The following RALGPS1 variants were observed in gnomAD, a reference collection of about 807,000 sequenced individuals.
RALGPS1 encodes the protein ras-specific guanine nucleotide-releasing factor RalGPS1.
In RALGPS1, 19 loss-of-function variants were observed where a neutral mutation model predicts 78.8. That is an observed-to-expected ratio of 0.24 (90% CI 0.17 to 0.35). RALGPS1 has a LOEUF of 0.35. Ranked by LOEUF, RALGPS1 falls within the 10% of genes least tolerant of loss-of-function variation. RALGPS1 has a pLI of 1.00. For synonymous variants in RALGPS1, 228 were observed against 256.3 expected (o/e 0.89, Z 1.06); for missense variants, 454 against 688.3 (o/e 0.66, Z 3.81).
chr9:127,209,540 C>T (rs1026728131), intron 14 of RALGPS1, among the ~76,000 whole-genome samples: 17 of 152,080 alleles, frequency 1.1e-4, no homozygotes, highest in South Asian at 2.1e-4. Context: ...CCCTGACACC[C>T]GTTAGGTTAG....
At chr9:126,983,359 A>G (rs1025493911) in intron 4 of RALGPS1, among the ~76,000 whole-genome samples, 3 of 152,116 alleles carry the variant, frequency 2.0e-5, no homozygotes, top group African/African-American at 4.8e-5. Flanking sequence ...AGATCCAACA[A>G]TTGCCATCTT....
chr9:127,206,064 A>G (rs925198887), intron 14 of RALGPS1, among the ~76,000 whole-genome samples: 1 of 152,380 alleles, frequency 6.6e-6, no homozygotes, highest in Non-Finnish European at 1.5e-5. Context: ...AATTCAGGGT[A>G]GCAGCTTCCT....
intron 8 of RALGPS1, among the ~76,000 whole-genome samples, chr9:127,160,412 G>C (rs1385939093): frequency 6.6e-6 from 1 of 152,206 alleles, no homozygotes; most frequent in Non-Finnish European, 1.5e-5. Context: ...AACGAGGTGA[G>C]AGCTGCCCAC....
At chr9:126,990,247 C>T in intron 4 of RALGPS1, 1 of 501,232 alleles carries the variant, frequency 2.0e-6, no homozygotes, top group Non-Finnish European at 3.6e-6. Flanking sequence ...TTTCTCAGAC[C>T]ATCTCTCTCT....
intron 3 of RALGPS1, among the ~76,000 whole-genome samples, chr9:126,969,004 C>T (rs13291672): frequency 2.0e-5 from 3 of 151,848 alleles, no homozygotes; most frequent in East Asian, 1.9e-4. Flanking sequence ...GCCGAGATTG[C>T]GCCATTGCAC....
rs1448601900 is a variant in RALGPS1, at chr9:127,091,693, T to C, written c.610+22337T>C. 1 of 1,613,814 alleles carries C rather than the reference T, an allele frequency of 6.2e-7. No individual in the cohort carries two copies. Among genetic ancestry groups the C allele is most frequent in the Non-Finnish European group, 8.5e-7 (1 of 1,180,018 alleles). ...ACCTGTGTAGACATCATGATCTCTG[T>C]CCAGGGTGGTGAACTGCTTGCCGTT... On this transcript the variant is annotated intron_variant, in intron 8 of 18. Transcript: ENST00000259351. This position sits in a 1 kb window ranked among gnomAD's most constrained non-coding sequence, Gnocchi z 4.3.
At chr9:126,941,827 C>G (rs1262126050) in intron 1 of RALGPS1, among the ~76,000 whole-genome samples, 1 of 152,216 alleles carries the variant, frequency 6.6e-6, no homozygotes, top group Non-Finnish European at 1.5e-5. Context: ...TGTGTTCTAA[C>G]TGTCTTTACT....
chr9:127,086,057 T>C (rs919305749), intron 8 of RALGPS1, among the ~76,000 whole-genome samples: 13 of 152,108 alleles, frequency 8.5e-5, no homozygotes, highest in African/African-American at 3.1e-4. Context: ...TTTTGTAAAC[T>C]GAGAATAATG....
chr9:126,985,510 T>C (rs940312514), intron 4 of RALGPS1, among the ~76,000 whole-genome samples: 3 of 152,220 alleles, frequency 2.0e-5, no homozygotes, highest in African/African-American at 7.2e-5. Flanking sequence ...TCCCTTGATA[T>C]TTATATATTT....
At position 127,217,098 on chromosome 9, in the gene RALGPS1, C is replaced by T. The variant is rs953016633; in HGVS notation, c.1645-1642C>T. The T allele has an allele frequency of 5.1e-6, 7 of 1,367,148 alleles. No homozygotes were observed. In the African/African-American group the frequency reaches 1.0e-4, roughly 20 times the overall value. The allele number at this position is 1,367,148 out of a possible 1,614,324, so 84.7% of individuals were successfully genotyped here. A position where few individuals can be genotyped will look rare whatever the true frequency, so the allele number is the denominator to read the frequency against. On this transcript the variant is annotated intron_variant, in intron 18 of 18. Transcript: ENST00000259351. The stretch of plus-strand genomic sequence containing the variant: ...TGGAGGAGCGGCCAGAGGATGACAG[C>T]AGCCCCAGCAGGCAGCAGTGCCTGG...
intron 17 of RALGPS1, among the ~76,000 whole-genome samples, chr9:127,214,407 C>T (rs2062457203): frequency 6.6e-6 from 1 of 152,140 alleles, no homozygotes; most frequent in Non-Finnish European, 1.5e-5. Flanking sequence ...AATATAGAAG[C>T]ACCTATAGAA....
In RALGPS1 at chr9:127,091,507, C is replaced by A. The variant is rs904780750; in HGVS notation, c.610+22151C>A. Among the ~76,000 whole-genome samples, 11 of 152,018 alleles carry A rather than the reference C, an allele frequency of 7.2e-5. No individual in the cohort carries two copies. The highest frequency in any genetic ancestry group is 1.6e-4 in the Non-Finnish European group (11 of 67,988). Reference sequence around the variant, plus strand: ...CAGCTTTGTGAAGGGGACCTGTGGGCAGGAGAAGGGACCCTCAGGGGGTGG... The same window carrying A: ...CAGCTTTGTGAAGGGGACCTGTGGGAAGGAGAAGGGACCCTCAGGGGGTGG... On this transcript the variant is annotated intron_variant, in intron 8 of 18. Coordinates refer to ENST00000259351, the MANE Select transcript of RALGPS1 (RefSeq NM_014636.3). This position sits in a 1 kb window ranked among gnomAD's most constrained non-coding sequence, Gnocchi z 4.3.
intron 1 of RALGPS1, among the ~76,000 whole-genome samples, chr9:126,950,853 C>T (rs1159990708): frequency 1.3e-5 from 2 of 149,348 alleles, no homozygotes; most frequent in Non-Finnish European, 3.0e-5. Flanking sequence ...AAAAAAAAAC[C>T]CTTCAAAAAA....
rs375913898 is a variant in RALGPS1 at position 126,920,682 on chromosome 9, G to C, written c.-66+5707G>C. 2.2e-4 allele frequency among the ~76,000 whole-genome samples: 33 copies of C among 152,272 alleles called. No individual in the cohort carries two copies. In the East Asian group the frequency reaches 3.9e-3, roughly 18 times the overall value. ...AATACACTTGACTTTCTTCAGGTGG[G>C]CATTCATTAACCTGCCTTGCTGGGC... On this transcript the variant is annotated intron_variant, in intron 1 of 18. Transcript: ENST00000259351.
intron 8 of RALGPS1, among the ~76,000 whole-genome samples, chr9:127,070,654 G>A (rs1363294758): frequency 2.6e-5 from 4 of 151,722 alleles, no homozygotes; most frequent in African/African-American, 9.7e-5. Context: ...AATACTTCTT[G>A]TAGTTTGGAT....
chr9:127,136,223 A>AG (rs900017459), intron 8 of RALGPS1, among the ~76,000 whole-genome samples: 1 of 152,204 alleles, frequency 6.6e-6, no homozygotes, highest in African/African-American at 2.4e-5. Flanking sequence ...AGTGGCAGGA[A>AG]GGGGCAGAAG....
At chr9:126,972,440 A>G (rs376479649) in intron 3 of RALGPS1, among the ~76,000 whole-genome samples, 11 of 152,364 alleles carry the variant, frequency 7.2e-5, no homozygotes, top group African/African-American at 2.6e-4. Context: ...AGGAAAAGAA[A>G]TGAAAGAATT....
chr9:127,119,336 A>G (rs1404034465), intron 8 of RALGPS1, among the ~76,000 whole-genome samples: 1 of 152,228 alleles, frequency 6.6e-6, no homozygotes, highest in Non-Finnish European at 1.5e-5. Flanking sequence ...TTGGTGCAGC[A>G]TTCGATAGGA....
At chr9:127,035,913 A>G (rs1305212093) in intron 5 of RALGPS1, among the ~76,000 whole-genome samples, 1 of 152,128 alleles carries the variant, frequency 6.6e-6, no homozygotes, top group African/African-American at 2.4e-5. Context: ...ATTAAAAAAA[A>G]AAAGTGTGAG....
Sources: gnomAD v4.1 joint callset for allele counts (sites outside exome capture counted in the v4.1 genomes callset) on GRCh38, gnomAD v4.1.1 for gene constraint, Gnocchi (gnomAD v3.1) non-coding constraint, MANE v1.5 for transcripts, NCBI Gene and HGNC (gene_info 2026-07-23, HGNC 2026-07-21) for gene names.